SV2C: variants seen among roughly 807,000 people sequenced by gnomAD.
SV2C encodes synaptic vesicle glycoprotein 2C.
In SV2C, 49 loss-of-function variants were observed where a neutral mutation model predicts 79.7. That is an observed-to-expected ratio of 0.61 (90% CI 0.49 to 0.78). The LOEUF (loss-of-function observed/expected upper bound fraction) is 0.78, where lower values mean the gene tolerates loss of function less well. SV2C is among the 30% of genes least tolerant of loss of function. SV2C has a pLI of 0.00. For synonymous variants in SV2C, 334 were observed against 333.2 expected (o/e 1.00, Z -0.03); for missense variants, 833 against 912.9 (o/e 0.91, Z 1.13).
At chr5:76,280,051 C>T (rs1046049670) in intron 4 of SV2C, among the ~76,000 whole-genome samples, 1 of 152,082 alleles carries the variant, frequency 6.6e-6, no homozygotes, top group Non-Finnish European at 1.5e-5. Flanking sequence ...ATGTAGTTCT[C>T]TCTGTGTTTA....
rs566688201 is a variant in SV2C, at chr5:76,322,915, C to A, written c.2001-2449C>A. On this transcript the variant is annotated intron_variant, in intron 12 of 12. Coordinates refer to ENST00000502798, the MANE Select transcript of SV2C (RefSeq NM_014979.4). ...ATGGATTAAAGACTTAAATGTAAAG[C>A]CCAAAACCATAAAAACCCTAGAAGA... Among the ~76,000 whole-genome samples, 82 of 152,274 alleles carry A rather than the reference C, an allele frequency of 5.4e-4. 1 individual carries two copies. Among genetic ancestry groups the A allele is most frequent in the Non-Finnish European group, 9.0e-4 (61 of 68,020 alleles).
chr5:75,893,851 G>A, the SV2C span, among the ~76,000 whole-genome samples: 3 of 152,164 alleles, frequency 2.0e-5, no homozygotes, highest in South Asian at 2.1e-4. Flanking sequence ...AGAAGGTGGG[G>A]AAAGAGAGAA....
At chr5:75,860,016 G>A in the SV2C span, among the ~76,000 whole-genome samples, 5 of 152,212 alleles carry the variant, frequency 3.3e-5, no homozygotes, top group South Asian at 4.1e-4. Flanking sequence ...CCCTAGACCC[G>A]TCTTTTAAAC....
intron 4 of SV2C, among the ~76,000 whole-genome samples, chr5:76,223,418 A>G (rs1745129638): frequency 7.7e-6 from 1 of 129,134 alleles, no homozygotes; most frequent in Admixed American, 8.2e-5. Flanking sequence ...ACAGAGCAAG[A>G]CCCTGTCTCT....
At chr5:76,043,431 A>AAAGTCACT in the SV2C span, among the ~76,000 whole-genome samples, 1 of 152,208 alleles carries the variant, frequency 6.6e-6, no homozygotes, top group Non-Finnish European at 1.5e-5. Flanking sequence ...TAAGTTGTCA[A>AAAGTCACT]AAGTCACTCA....
At chr5:76,069,518 T>A in the SV2C span, among the ~76,000 whole-genome samples, 1 of 152,230 alleles carries the variant, frequency 6.6e-6, no homozygotes, top group African/African-American at 2.4e-5. Context: ...TTCCCTGTGG[T>A]CCTGGTGAGT....
chr5:76,056,644 T>C, the SV2C span, among the ~76,000 whole-genome samples: 1 of 148,770 alleles, frequency 6.7e-6, no homozygotes, highest in Non-Finnish European at 1.5e-5. Context: ...TTTTTTTTTT[T>C]TTTTGGTTGG....
At chr5:75,999,950 T>C in the SV2C span, among the ~76,000 whole-genome samples, 2 of 152,140 alleles carry the variant, frequency 1.3e-5, no homozygotes, top group African/African-American at 2.4e-5. Flanking sequence ...GGATCCCTCA[T>C]GGGCTAATCA....
the SV2C span, among the ~76,000 whole-genome samples, chr5:76,048,987 GAA>G: frequency 1.2e-5 from 1 of 80,124 alleles, no homozygotes; most frequent in Non-Finnish European, 2.5e-5. Context: ...AAGAAAGAAA[GAA>G]AGAAAGAAAG....
chr5:76,122,412 A>G (rs545618388), intron 1 of SV2C, among the ~76,000 whole-genome samples: 1 of 151,912 alleles, frequency 6.6e-6, no homozygotes, highest in South Asian at 2.1e-4. Context: ...ACTATGTTGA[A>G]TAGGAGTGGT....
intron 1 of SV2C, among the ~76,000 whole-genome samples, chr5:76,114,219 AAAC>A (rs1238888609): frequency 2.0e-4 from 31 of 152,290 alleles, no homozygotes; most frequent in African/African-American, 7.0e-4. Flanking sequence ...CAAGCAAGGG[AAAC>A]AACGAGTACA....
chr5:76,132,441 C>G, intron 2 of SV2C, 111 bp downstream of exon 2: 1 of 1,131,258 alleles, frequency 8.8e-7, no homozygotes, highest in East Asian at 2.7e-5. Flanking sequence ...TTTTTTCTAA[C>G]AAATTTTTTA....
the SV2C span, among the ~76,000 whole-genome samples, chr5:75,961,372 G>A: frequency 5.3e-5 from 8 of 151,744 alleles, 1 homozygote; most frequent in South Asian, 1.7e-3. Flanking sequence ...CACTAATTAT[G>A]TTGTTGTAAT....
chr5:76,013,357 T>C, the SV2C span, among the ~76,000 whole-genome samples: 1 of 152,182 alleles, frequency 6.6e-6, no homozygotes, highest in Non-Finnish European at 1.5e-5. Flanking sequence ...TATTTTATTC[T>C]CTTTGAAGCA....
At chr5:75,874,002 T>C in the SV2C span, among the ~76,000 whole-genome samples, 2 of 152,242 alleles carry the variant, frequency 1.3e-5, no homozygotes, top group South Asian at 2.1e-4. Flanking sequence ...ACCATTCCTA[T>C]TGAAACTATT....
the SV2C span, among the ~76,000 whole-genome samples, chr5:75,886,783 A>C: frequency 2.8e-3 from 426 of 152,206 alleles, 9 homozygotes; most frequent in East Asian, 0.034. Context: ...TGAGACTTTG[A>C]AATAGTGTAA....
chr5:76,165,685 T>C (rs1687646267), intron 2 of SV2C, among the ~76,000 whole-genome samples: 1 of 152,216 alleles, frequency 6.6e-6, no homozygotes. Context: ...TATTAATCTT[T>C]TGTTCCTATT....
At chr5:76,175,415 G>GAT (rs149644454) in intron 2 of SV2C, among the ~76,000 whole-genome samples, 2,540 of 152,056 alleles carry the variant, frequency 0.017, 56 homozygotes, top group African/African-American at 0.052. Context: ...AAAGTAGGGG[G>GAT]ATATATATAT....
At chr5:75,992,253 C>T in the SV2C span, among the ~76,000 whole-genome samples, 5 of 151,884 alleles carry the variant, frequency 3.3e-5, no homozygotes, top group Admixed American at 6.6e-5. Flanking sequence ...TATGATTTTT[C>T]CATTTTGCCT....
Sources: allele counts gnomAD v4.1 joint callset (sites outside exome capture counted in the v4.1 genomes callset), GRCh38; gene constraint gnomAD v4.1.1; transcripts MANE v1.5; gene names NCBI Gene and HGNC (gene_info 2026-07-23, HGNC 2026-07-21).